The following RSU1 variants were observed in gnomAD, a reference collection of about 807,000 sequenced individuals.
RSU1 encodes rsu-1.
RSU1 carries 26 observed loss-of-function variants against 31.1 expected under a neutral mutation model. The observed-to-expected ratio is 0.84, with a 90% confidence interval of 0.61 to 1.16. RSU1 has a LOEUF of 1.16. RSU1 is among the 50% of genes most tolerant of loss of function. The probability of loss-of-function intolerance (pLI) is 0.00; values close to 1 mark genes in which losing one functional copy is unlikely to be tolerated. For missense variants in RSU1, 320 were observed against 339.1 expected (o/e 0.94, Z 0.44); for synonymous variants, 164 against 136.3 (o/e 1.20, Z -1.41).
At chr10:16,792,788 G>C (rs1837953043) in intron 2 of RSU1, among the ~76,000 whole-genome samples, 1 of 152,160 alleles carries the variant, frequency 6.6e-6, no homozygotes, top group African/African-American at 2.4e-5. Flanking sequence ...GGTGTAAATG[G>C]CTTTTCCATT....
chr10:16,752,609 G>C lies in RSU1; in HGVS notation c.528C>G (p.Ile176Met). Reference protein sequence around the residue: ...DNDLISLPKEIGELTQLKELH... With the variant: ...DNDLISLPKEMGELTQLKELH... Reference sequence around the variant, plus strand: ...GCTCTTTAAGCTGGGTAAGCTCCCCGATTTCCTTAGGCAGCGAGATCAGGT... The same window carrying C: ...GCTCTTTAAGCTGGGTAAGCTCCCCCATTTCCTTAGGCAGCGAGATCAGGT... Residue 176 changes from isoleucine (I) to methionine (M), a missense_variant, in exon 7 of 9, where the codon ATC becomes ATG. Physicochemically the swap from Ile to Met is conservative, Grantham distance 10 (BLOSUM62 1). Transcript: ENST00000345264. 6.2e-7 allele frequency: 1 copy of C among 1,614,118 alleles called. No homozygotes were observed. Among genetic ancestry groups the C allele is most frequent in the Non-Finnish European group, 8.5e-7 (1 of 1,179,984 alleles).
chr10:16,617,680 C>T (rs1184120210), intron 8 of RSU1, among the ~76,000 whole-genome samples: 2 of 152,182 alleles, frequency 1.3e-5, no homozygotes, highest in Admixed American at 1.3e-4. Context: ...AGAAATAACA[C>T]CGCACACCTA....
At chr10:16,787,252 G>T (rs1837809609) in intron 2 of RSU1, among the ~76,000 whole-genome samples, 1 of 152,134 alleles carries the variant, frequency 6.6e-6, no homozygotes, top group African/African-American at 2.4e-5. Flanking sequence ...ACGTGAGCAG[G>T]TGCTGTGGAA....
At chr10:16,756,704 T>G (rs1170359693) in intron 4 of RSU1, among the ~76,000 whole-genome samples, 2 of 152,222 alleles carry the variant, frequency 1.3e-5, no homozygotes, top group African/African-American at 4.8e-5. Flanking sequence ...CTATTAGGAA[T>G]TAAGATTTTT....
At position 16,591,313 on chromosome 10, in the gene RSU1, C is replaced by G. The variant is rs571617037; in HGVS notation, c.*2081G>C. ...AGGGATCAGGCTTTTCTCTGTTTTT[C>G]TTGTGTATGCAATGCTATAAGGACA... On this transcript the variant is annotated 3_prime_UTR_variant, in exon 9 of 9. Coordinates refer to ENST00000345264, the MANE Select transcript of RSU1 (RefSeq NM_012425.4). The G allele has an allele frequency of 6.6e-6, 1 of 152,280 alleles. No homozygotes were observed. The highest frequency in any genetic ancestry group is 1.9e-4 in the East Asian group (1 of 5,178). 9.4% of individuals were successfully genotyped at this position (152,280 alleles called of 1,614,324 possible). A position where few individuals can be genotyped will look rare whatever the true frequency, so the allele number is the denominator to read the frequency against.
At chr10:16,710,133 T>C (rs903811361) in intron 7 of RSU1, among the ~76,000 whole-genome samples, 4 of 152,228 alleles carry the variant, frequency 2.6e-5, no homozygotes, top group African/African-American at 7.2e-5. Flanking sequence ...TTCAGTATGA[T>C]GTCAGCTGTG....
chr10:16,670,949 A>T (rs11817238), intron 8 of RSU1, among the ~76,000 whole-genome samples: 14,620 of 151,940 alleles, frequency 0.096, 1,343 homozygotes, highest in African/African-American at 0.24. Flanking sequence ...TATTTTTAGT[A>T]GAGAAGGGGT....
At chr10:16,756,210 A>C (rs1356295095) in intron 4 of RSU1, among the ~76,000 whole-genome samples, 1 of 152,128 alleles carries the variant, frequency 6.6e-6, no homozygotes, top group African/African-American at 2.4e-5. Context: ...GGTGTGGTTT[A>C]ATGGGCGTAG....
chr10:16,806,058 T>A (rs926299703), intron 2 of RSU1, among the ~76,000 whole-genome samples: 1 of 152,256 alleles, frequency 6.6e-6, no homozygotes, highest in Non-Finnish European at 1.5e-5. Flanking sequence ...CAACTTGTAC[T>A]GTCATTATGC....
intron 8 of RSU1, among the ~76,000 whole-genome samples, chr10:16,657,121 AAC>A (rs975706789): frequency 7.2e-5 from 11 of 152,348 alleles, no homozygotes; most frequent in Middle Eastern, 3.4e-3. Context: ...GCTGATGGAG[AAC>A]ACAGAGTCAA....
chr10:16,665,007 G>A (rs555840498), intron 8 of RSU1, among the ~76,000 whole-genome samples: 14 of 152,138 alleles, frequency 9.2e-5, no homozygotes, highest in East Asian at 5.8e-4. Context: ...GCAGTGGCAC[G>A]ATCTCAGTTC....
At chr10:16,723,569 G>C (rs45575735) in intron 7 of RSU1, among the ~76,000 whole-genome samples, 21,180 of 152,040 alleles carry the variant, frequency 0.14, 3,491 homozygotes, top group African/African-American at 0.4. Context: ...TTCTCCATTC[G>C]CTGATATTAA....
chr10:16,699,202 T>C (rs924104231), intron 7 of RSU1, among the ~76,000 whole-genome samples: 1 of 152,242 alleles, frequency 6.6e-6, no homozygotes, highest in African/African-American at 2.4e-5. Flanking sequence ...GAACTGGGAC[T>C]TGCTGTAATA....
chr10:16,751,423 C>A (rs1474061571), intron 7 of RSU1, among the ~76,000 whole-genome samples: 1 of 152,278 alleles, frequency 6.6e-6, no homozygotes, highest in East Asian at 1.9e-4. Flanking sequence ...CACGTGACTG[C>A]CTTCCCTTTA....
chr10:16,792,541 C>G (rs910516150), intron 2 of RSU1, among the ~76,000 whole-genome samples: 1 of 152,148 alleles, frequency 6.6e-6, no homozygotes, highest in Non-Finnish European at 1.5e-5. Flanking sequence ...AGGGCTTTTT[C>G]ACACCTCTTG....
At chr10:16,806,444 G>A (rs1372916054) in intron 2 of RSU1, among the ~76,000 whole-genome samples, 1 of 152,174 alleles carries the variant, frequency 6.6e-6, no homozygotes, top group Admixed American at 6.5e-5. Flanking sequence ...CTTATTGCCT[G>A]GGTGACTTTG....
chr10:16,690,646 G>A (rs1196642841), intron 8 of RSU1, among the ~76,000 whole-genome samples: 1 of 152,078 alleles, frequency 6.6e-6, no homozygotes, highest in Non-Finnish European at 1.5e-5. Context: ...GAGTCCATTA[G>A]AGCCTATAAA....
intron 8 of RSU1, among the ~76,000 whole-genome samples, chr10:16,608,515 C>G (rs1378039291): frequency 1.3e-5 from 2 of 152,122 alleles, no homozygotes; most frequent in Non-Finnish European, 2.9e-5. Flanking sequence ...TTTCCCACTT[C>G]CCTGGCAAAG....
At chr10:16,740,819 A>G (rs1836735092) in intron 7 of RSU1, among the ~76,000 whole-genome samples, 1 of 152,212 alleles carries the variant, frequency 6.6e-6, no homozygotes, top group African/African-American at 2.4e-5. Context: ...ATCTAAATAA[A>G]TGGAAAAAAT....
Sources: allele counts gnomAD v4.1 joint callset (sites outside exome capture counted in the v4.1 genomes callset), GRCh38; gene constraint gnomAD v4.1.1; transcripts MANE v1.5; gene names NCBI Gene and HGNC (gene_info 2026-07-23, HGNC 2026-07-21).